Variants in RAPGEF4 observed in about 807,000 individuals in gnomAD.
RAPGEF4 encodes RAP guanine-nucleotide-exchange factor (GEF) 4.
In RAPGEF4, 66 loss-of-function variants were observed where a neutral mutation model predicts 147.9. The observed-to-expected ratio is 0.45, with a 90% CI of 0.37 to 0.55. The LOEUF is 0.55. Among genes scored for constraint, RAPGEF4 ranks in the 20% least tolerant of loss-of-function variants. RAPGEF4 has a pLI of 0.00. For missense variants in RAPGEF4, 1,071 were observed against 1,257.3 expected (o/e 0.85, Z 2.24); for synonymous variants, 419 against 442.7 (o/e 0.95, Z 0.67).
At chr2:172,928,707 C>G (rs994840185) in intron 6 of RAPGEF4, among the ~76,000 whole-genome samples, 1 of 152,120 alleles carries the variant, frequency 6.6e-6, no homozygotes, top group Admixed American at 6.6e-5. Flanking sequence ...TCTAGGGTTG[C>G]AGCTGAGATA....
At chr2:172,976,771 T>G (rs1176900690) in intron 10 of RAPGEF4, among the ~76,000 whole-genome samples, 2 of 152,222 alleles carry the variant, frequency 1.3e-5, no homozygotes, top group Non-Finnish European at 2.9e-5. Context: ...TTCCAATAAC[T>G]GAGAAGCTCT....
At chr2:173,009,891 G>A (rs1694844814) in intron 17 of RAPGEF4, among the ~76,000 whole-genome samples, 1 of 152,180 alleles carries the variant, frequency 6.6e-6, no homozygotes, top group African/African-American at 2.4e-5. Context: ...CTACATCTCA[G>A]ATGGATTTTC....
intron 1 of RAPGEF4, among the ~76,000 whole-genome samples, chr2:172,786,599 G>T (rs1685230513): frequency 6.6e-6 from 1 of 152,178 alleles, no homozygotes; most frequent in Non-Finnish European, 1.5e-5. Flanking sequence ...TTATTTATAG[G>T]CCAGGTGGTA....
chr2:173,018,933 C>G (rs1695766493), intron 22 of RAPGEF4, 131 bp downstream of exon 22: 2 of 1,013,420 alleles, frequency 2.0e-6, no homozygotes, highest in Admixed American at 2.4e-5. Context: ...TATGCTTCCA[C>G]TAATAACAGA....
intron 3 of RAPGEF4, among the ~76,000 whole-genome samples, chr2:172,801,727 T>C (rs1475890059): frequency 6.6e-6 from 1 of 151,906 alleles, no homozygotes; most frequent in Non-Finnish European, 1.5e-5. Flanking sequence ...GTTGTATAGG[T>C]GCCAACCAGA....
rs1294957800 is a variant in RAPGEF4 at position 173,033,791 on chromosome 2, C to G, written c.2650-123C>G. The G allele has an allele frequency of 7.1e-6, 6 of 846,324 alleles. No homozygotes were observed. The Admixed American group carries it at 1.6e-4, about 23-fold the overall frequency. 52.4% of individuals were successfully genotyped at this position (846,324 alleles called of 1,614,324 possible). ...ATGGCAAGACAGATTACAGTCTGGC[C>G]TGTCTCAGAGATGTTTGATTAAGAG... On this transcript the variant is annotated intron_variant, in intron 26 of 30. Transcript: ENST00000397081.
intron 9 of RAPGEF4, 110 bp from the exon 10 acceptor site, chr2:172,967,151 G>A (rs534175445): frequency 7.9e-5 from 87 of 1,098,438 alleles, no homozygotes; most frequent in African/African-American, 2.5e-4. Context: ...GGAGGCTCCC[G>A]GCTTTGCTGC....
intron 6 of RAPGEF4, among the ~76,000 whole-genome samples, chr2:172,936,045 C>G (rs1686526771): frequency 6.6e-6 from 1 of 152,126 alleles, no homozygotes; most frequent in African/African-American, 2.4e-5. Context: ...TCTTTCTGAT[C>G]ATAAATATAA....
chr2:172,787,976 T>C (rs189453046), intron 1 of RAPGEF4, among the ~76,000 whole-genome samples: 3 of 152,154 alleles, frequency 2.0e-5, no homozygotes, highest in African/African-American at 7.2e-5. Flanking sequence ...TTCTCATAGT[T>C]CTAGAGGCTA....
intron 29 of RAPGEF4, among the ~76,000 whole-genome samples, chr2:173,044,917 C>A (rs199997091): frequency 0.075 from 11,484 of 152,226 alleles, 666 homozygotes; most frequent in East Asian, 0.36. Flanking sequence ...GACACTCCCC[C>A]ACTCCGGCCT....
At chr2:172,922,949 A>G (rs1029562351) in intron 6 of RAPGEF4, among the ~76,000 whole-genome samples, 1 of 152,194 alleles carries the variant, frequency 6.6e-6, no homozygotes, top group Admixed American at 6.5e-5. Flanking sequence ...AGGGTTAACG[A>G]TAGGAGTATG....
At chr2:172,975,806 T>C (rs1032114017) in intron 10 of RAPGEF4, among the ~76,000 whole-genome samples, 3 of 152,226 alleles carry the variant, frequency 2.0e-5, no homozygotes, top group Non-Finnish European at 4.4e-5. Context: ...TCCATCCAAA[T>C]TTATTTGTTC....
At chr2:172,745,637 C>T (rs1694701805) in intron 1 of RAPGEF4, among the ~76,000 whole-genome samples, 1 of 151,802 alleles carries the variant, frequency 6.6e-6, no homozygotes, top group Non-Finnish European at 1.5e-5. Context: ...AAAGTGGAAA[C>T]TTAGTTGGTT....
At chr2:172,811,294 CA>C (rs1408738112) in intron 3 of RAPGEF4, among the ~76,000 whole-genome samples, 1 of 152,272 alleles carries the variant, frequency 6.6e-6, no homozygotes, top group African/African-American at 2.4e-5. Flanking sequence ...GCTCCAGCAG[CA>C]TCTGCTAAAC....
chr2:172,790,534 C>T (rs1685710033), intron 1 of RAPGEF4, among the ~76,000 whole-genome samples: 1 of 152,152 alleles, frequency 6.6e-6, no homozygotes. Context: ...AGAGAAACCA[C>T]ATCATCATTT....
chr2:172,860,323 A>T (rs41525849), intron 4 of RAPGEF4: 1 of 985,018 alleles, frequency 1.0e-6, no homozygotes, highest in East Asian at 1.1e-4. Flanking sequence ...TGTTTTATCC[A>T]TGTATTTAGC....
chr2:172,893,587 A>G (rs967690315), intron 4 of RAPGEF4, among the ~76,000 whole-genome samples: 1 of 151,948 alleles, frequency 6.6e-6, no homozygotes, highest in South Asian at 2.1e-4. Flanking sequence ...TTCATGTTTT[A>G]TGAATTCAAT....
chr2:172,808,960 C>G (rs1687761133), intron 3 of RAPGEF4, among the ~76,000 whole-genome samples: 1 of 152,184 alleles, frequency 6.6e-6, no homozygotes, highest in African/African-American at 2.4e-5. Flanking sequence ...ATTAACTTAC[C>G]TAATGCCAGC....
At chr2:172,842,525 G>A (rs1691728354) in intron 4 of RAPGEF4, among the ~76,000 whole-genome samples, 1 of 152,192 alleles carries the variant, frequency 6.6e-6, no homozygotes, top group African/African-American at 2.4e-5. Flanking sequence ...ATCACCTGGG[G>A]CAACACACAG....
Sources: gnomAD v4.1 joint callset for allele counts (sites outside exome capture counted in the v4.1 genomes callset) on GRCh38, gnomAD v4.1.1 for gene constraint, MANE v1.5 for transcripts, NCBI Gene and HGNC (gene_info 2026-07-23, HGNC 2026-07-21) for gene names.